Variants in MTHFD1 observed in about 807,000 individuals in gnomAD.
The protein encoded by MTHFD1 is methylenetetrahydrofolate dehydrogenase, cyclohydrolase and formyltetrahydrofolate synthetase 1.
Under a neutral mutation model 110.3 loss-of-function variants are expected in MTHFD1, and 44 were observed. The observed-to-expected ratio is 0.40, with a 90% CI of 0.31 to 0.51. The LOEUF (loss-of-function observed/expected upper bound fraction) is 0.51, where lower values mean the gene tolerates loss of function less well. MTHFD1 is among the 20% of genes least tolerant of loss of function. The pLI, the probability that MTHFD1 is intolerant of heterozygous loss-of-function variation, is 0.60. For synonymous variants in MTHFD1, 402 were observed against 428.8 expected, an observed-to-expected ratio of 0.94 and a Z score of 0.77; for missense variants, 909 against 1,173.1, an observed-to-expected ratio of 0.77 and a Z score of 3.29.
Position 64,417,817 on chromosome 14 carries a change from T to C in MTHFD1, c.479-71T>C. On this transcript the variant is annotated intron_variant, in intron 6 of 27. Coordinates refer to ENST00000652337, the MANE Select transcript of MTHFD1 (RefSeq NM_005956.4). The surrounding 1 kb of genome is among the most constrained non-coding windows in gnomAD (Gnocchi z 4.4). ...CCTGTTTTTGTGCACTTATTCTAAT[T>C]TCTCCACGTGGCATGCGAAGGAGGG... The C allele has an allele frequency of 6.9e-6, 11 of 1,596,560 alleles. No homozygotes were observed. The highest frequency in any genetic ancestry group is 9.4e-6 in the Non-Finnish European group (11 of 1,166,816).
At chr14:64,427,208 GC>G in intron 11 of MTHFD1, 128 bp from the exon 12 acceptor site, 1 of 1,070,694 alleles carries the variant, frequency 9.3e-7, no homozygotes, top group Non-Finnish European at 1.4e-6. Context: ...GGCATACACT[GC>G]TATGCCTGAC....
At chr14:64,420,675 C>T (rs899035336) in intron 8 of MTHFD1, among the ~76,000 whole-genome samples, 9 of 152,152 alleles carry the variant, frequency 5.9e-5, no homozygotes, top group South Asian at 4.1e-4. Context: ...GATCTATCCC[C>T]GTGCTCTCGC....
intron 24 of MTHFD1, among the ~76,000 whole-genome samples, chr14:64,453,361 T>A (rs996502402): frequency 2.0e-5 from 3 of 151,946 alleles, no homozygotes; most frequent in Non-Finnish European, 2.9e-5. Flanking sequence ...CACCTGAGGT[T>A]GGGAGTTCAA....
chr14:64,400,689 A>C, intron 1 of MTHFD1, 104 bp from the exon 2 acceptor site: 1 of 803,186 alleles, frequency 1.2e-6, no homozygotes, highest in South Asian at 1.4e-5. Context: ...ACCCTGTGTT[A>C]ATAAACAAAC....
intron 17 of MTHFD1, 71 bp from the exon 18 acceptor site, chr14:64,440,055 G>T: frequency 7.1e-7 from 1 of 1,415,196 alleles, no homozygotes; most frequent in South Asian, 1.2e-5. Context: ...TGTAAAAGAG[G>T]ATCACTTTTG....
intron 24 of MTHFD1, among the ~76,000 whole-genome samples, chr14:64,451,261 A>G (rs373390607): frequency 6.6e-6 from 1 of 152,066 alleles, no homozygotes; most frequent in Admixed American, 6.6e-5. Flanking sequence ...GGTTCAAGTG[A>G]TCCTCCTGCC....
chr14:64,394,886 C>T (rs939063198), intron 1 of MTHFD1, among the ~76,000 whole-genome samples: 4 of 152,076 alleles, frequency 2.6e-5, no homozygotes, highest in Non-Finnish European at 4.4e-5. Context: ...AGTGGAGAAC[C>T]CTTACCTTCC....
intron 1 of MTHFD1, among the ~76,000 whole-genome samples, chr14:64,398,502 G>T (rs949713402): frequency 6.6e-6 from 1 of 152,138 alleles, no homozygotes; most frequent in Non-Finnish European, 1.5e-5. Context: ...AGCTGTGATT[G>T]CATCACTGCA....
intron 16 of MTHFD1, among the ~76,000 whole-genome samples, chr14:64,436,136 C>T (rs1596549939): frequency 6.6e-6 from 1 of 152,020 alleles, no homozygotes; most frequent in East Asian, 1.9e-4. Context: ...GCTCTGTCGC[C>T]CAGGCTAGAG....
At chr14:64,407,492 T>G (rs1043836993) in intron 2 of MTHFD1, among the ~76,000 whole-genome samples, 7 of 148,714 alleles carry the variant, frequency 4.7e-5, no homozygotes, top group East Asian at 2.0e-4. Context: ...TCTGGTAAGG[T>G]GATAGAAATA....
rs190462801 is a variant in MTHFD1 at position 64,441,634 on chromosome 14, G to A, written c.1884+181G>A. On this transcript the variant is annotated intron_variant, in intron 19 of 27. Coordinates refer to ENST00000652337, the MANE Select transcript of MTHFD1 (RefSeq NM_005956.4). ...ATCCTGGCTAACATGGTGAAACCCC[G>A]TCTCTACTAAAAATACAAAAAATTA... 242 of 620,228 alleles carry A rather than the reference G, an allele frequency of 3.9e-4. 1 individual carries two copies. Among genetic ancestry groups the A allele is most frequent in the East Asian group, 1.8e-3 (57 of 32,526 alleles). The allele number at this position is 620,228 out of a possible 1,614,324, so 38.4% of individuals were successfully genotyped here.
intron 6 of MTHFD1, among the ~76,000 whole-genome samples, chr14:64,416,216 G>A (rs976777907): frequency 6.6e-6 from 1 of 152,126 alleles, no homozygotes; most frequent in African/African-American, 2.4e-5. Flanking sequence ...CTGCACTCCA[G>A]CCTGGGCAAC....
intron 12 of MTHFD1, among the ~76,000 whole-genome samples, chr14:64,429,330 G>A (rs1183679340): frequency 7.5e-6 from 1 of 133,080 alleles, no homozygotes; most frequent in East Asian, 2.1e-4. Context: ...TTGTTTGTTT[G>A]TTTTTTTTGA....
At chr14:64,403,719 A>AT (rs942007272) in intron 2 of MTHFD1, among the ~76,000 whole-genome samples, 2 of 151,146 alleles carry the variant, frequency 1.3e-5, no homozygotes, top group African/African-American at 4.9e-5. Context: ...AATTTTTTGT[A>AT]TTTTTTTGTA....
In MTHFD1 at chr14:64,427,405, C is replaced by T. The variant is rs760037831; in HGVS notation, c.1196C>T (p.Ala399Val). The part of the protein sequence containing the change: ...TTIGLVQALG[A>V]HLYQNVFACV... ...ATCGGGCTAGTGCAAGCCCTTGGTG[C>T]CCATCTCTACCAGAATGTCTTTGCG... The change falls in exon 12 of 28, where the codon GCC becomes GTC. Residue 399 changes from alanine to valine, a missense_variant. By Grantham distance (64) the Ala-to-Val change is moderately conservative. Coordinates refer to ENST00000652337, the MANE Select transcript of MTHFD1 (RefSeq NM_005956.4). 26 of 1,614,030 alleles carry T rather than the reference C, an allele frequency of 1.6e-5. No individual in the cohort carries two copies. In the South Asian group the frequency reaches 2.3e-4, roughly 14 times the overall value.
At position 64,427,301 on chromosome 14, in the gene MTHFD1, C is replaced by A. The variant is rs575904779; in HGVS notation, c.1128-36C>A. 1.9e-6 allele frequency: 3 copies of A among 1,612,406 alleles called. No homozygotes were observed. In the African/African-American group the frequency reaches 4.0e-5, roughly 21 times the overall value. ...CTTAGTGATTCAGATACACTTAATT[C>A]TTTAAACCTTTTTCTCTTTTGCTTT... On this transcript the variant is annotated intron_variant, in intron 11 of 27. Transcript: ENST00000652337.
At chr14:64,400,316 A>G (rs1218685169) in intron 1 of MTHFD1, among the ~76,000 whole-genome samples, 4 of 151,772 alleles carry the variant, frequency 2.6e-5, no homozygotes, top group African/African-American at 9.7e-5. Flanking sequence ...TGAACCTGGG[A>G]GGTGGAGGTT....
At chr14:64,423,345 T>C (rs2078090204) in intron 8 of MTHFD1, among the ~76,000 whole-genome samples, 1 of 152,136 alleles carries the variant, frequency 6.6e-6, no homozygotes, top group Admixed American at 6.5e-5. Flanking sequence ...TTGTGATAGG[T>C]AGTGTTAAGC....
chr14:64,449,241 G>T, intron 23 of MTHFD1: 1 of 636,678 alleles, frequency 1.6e-6, no homozygotes, highest in Non-Finnish European at 2.8e-6. Flanking sequence ...TACCAGGGTG[G>T]AAATTGAGGC....
Sources: allele counts gnomAD v4.1 joint callset (sites outside exome capture counted in the v4.1 genomes callset), GRCh38; gene constraint gnomAD v4.1.1; non-coding constraint Gnocchi (gnomAD v3.1); transcripts MANE v1.5; gene names NCBI Gene and HGNC (gene_info 2026-07-23, HGNC 2026-07-21).